Variants in MIPOL1 observed in about 807,000 individuals in gnomAD.
The protein encoded by MIPOL1 is mirror-image polydactyly 1, also known as mirror-image polydactyly gene 1 protein.
MIPOL1 carries 57 observed loss-of-function variants against 60.9 expected under a neutral mutation model. The observed-to-expected ratio is 0.94, with a 90% CI of 0.76 to 1.17. MIPOL1 has a LOEUF of 1.17. Ranked by LOEUF, MIPOL1 falls within the 50% of genes most tolerant of loss-of-function variation. The pLI is 0.00. For missense variants in MIPOL1, 551 were observed against 511.6 expected (o/e 1.08, Z -0.74); for synonymous variants, 179 against 168.8 (o/e 1.06, Z -0.47).
At chr14:37,479,689 C>T (rs898395727) in intron 11 of MIPOL1, among the ~76,000 whole-genome samples, 2 of 151,832 alleles carry the variant, frequency 1.3e-5, no homozygotes, top group Non-Finnish European at 2.9e-5. Flanking sequence ...TAATAAAGCT[C>T]AGAGCAGAAG....
Position 37,328,736 on chromosome 14 carries a change from A to G in MIPOL1, c.828+20217A>G, listed in dbSNP as rs533038090. ...AAATGAGATAGCAGAAACTTCAAAAATGACAGCATTATTTAATGAAGTATT... is the reference window on the plus strand; with the variant it reads ...AAATGAGATAGCAGAAACTTCAAAAGTGACAGCATTATTTAATGAAGTATT... On this transcript the variant is annotated intron_variant, in intron 9 of 12. Coordinates refer to ENST00000684589, the MANE Select transcript of MIPOL1 (RefSeq NM_001388067.1). Among the ~76,000 whole-genome samples the G allele has an allele frequency of 2.6e-5, 4 of 152,306 alleles. No homozygotes were observed. In the East Asian group the frequency reaches 5.8e-4, roughly 22 times the overall value.
chr14:37,355,411 C>G (rs1440265828), intron 9 of MIPOL1, among the ~76,000 whole-genome samples: 4 of 147,088 alleles, frequency 2.7e-5, no homozygotes, highest in Non-Finnish European at 6.0e-5. Flanking sequence ...CGAGGAGTAT[C>G]TTTGTGGCGT....
intron 12 of MIPOL1, among the ~76,000 whole-genome samples, chr14:37,508,653 A>G (rs2095301181): frequency 1.3e-5 from 2 of 152,130 alleles, no homozygotes; most frequent in East Asian, 1.9e-4. Flanking sequence ...CGTTGCCATG[A>G]TAATTTGATG....
chr14:37,452,067 G>C (rs925307635), intron 11 of MIPOL1, among the ~76,000 whole-genome samples: 2 of 151,556 alleles, frequency 1.3e-5, no homozygotes, highest in African/African-American at 4.9e-5. Context: ...CGCCCGCCTC[G>C]GCCTCCCAAA....
At chr14:37,233,825 G>T (rs1272168214) in intron 1 of MIPOL1, among the ~76,000 whole-genome samples, 1 of 152,178 alleles carries the variant, frequency 6.6e-6, no homozygotes, top group Non-Finnish European at 1.5e-5. Flanking sequence ...ATAAGCAGAT[G>T]TTATCATTCT....
At chr14:37,531,111 C>T (rs2095476580) in intron 12 of MIPOL1, among the ~76,000 whole-genome samples, 1 of 152,100 alleles carries the variant, frequency 6.6e-6, no homozygotes, top group African/African-American at 2.4e-5. Context: ...AACCACCGCG[C>T]CCAGCCAGAA....
intron 12 of MIPOL1, among the ~76,000 whole-genome samples, chr14:37,520,796 A>C (rs761653368): frequency 2.0e-5 from 3 of 152,086 alleles, no homozygotes; most frequent in Non-Finnish European, 4.4e-5. Flanking sequence ...CAATTTGTTA[A>C]ATTTTATAAT....
chr14:37,276,133 T>G (rs974073251), intron 6 of MIPOL1, among the ~76,000 whole-genome samples: 2 of 151,170 alleles, frequency 1.3e-5, no homozygotes, highest in Non-Finnish European at 3.0e-5. Flanking sequence ...TAATCTATCT[T>G]ACTGCATTTT....
intron 1 of MIPOL1, among the ~76,000 whole-genome samples, chr14:37,229,494 A>G (rs1018115895): frequency 2.0e-5 from 3 of 152,198 alleles, no homozygotes; most frequent in Non-Finnish European, 2.9e-5. Flanking sequence ...ACCAAAAAAC[A>G]AAACAAAACC....
chr14:37,203,845 C>T (rs1458012662), intron 1 of MIPOL1, among the ~76,000 whole-genome samples: 2 of 152,122 alleles, frequency 1.3e-5, no homozygotes, highest in Non-Finnish European at 2.9e-5. Flanking sequence ...AGCAGTGGTG[C>T]GATCTTGGCT....
chr14:37,473,470 T>A (rs981524631), intron 11 of MIPOL1, among the ~76,000 whole-genome samples: 4 of 152,182 alleles, frequency 2.6e-5, no homozygotes, highest in African/African-American at 9.7e-5. Flanking sequence ...TGTTCCTTTG[T>A]ATCTTGTCTA....
intron 9 of MIPOL1, among the ~76,000 whole-genome samples, chr14:37,324,833 A>G (rs1216550013): frequency 6.6e-6 from 1 of 152,116 alleles, no homozygotes; most frequent in South Asian, 2.1e-4. Context: ...CTTTCATGCC[A>G]TTGAAACAAA....
At chr14:37,231,150 A>G (rs1357553819) in intron 1 of MIPOL1, among the ~76,000 whole-genome samples, 1 of 152,074 alleles carries the variant, frequency 6.6e-6, no homozygotes, top group African/African-American at 2.4e-5. Context: ...GCTGGAGTGC[A>G]GTGGTGTGAT....
At chr14:37,355,669 G>A (rs1435988190) in intron 9 of MIPOL1, among the ~76,000 whole-genome samples, 19 of 123,020 alleles carry the variant, frequency 1.5e-4, no homozygotes, top group African/African-American at 5.0e-4. Context: ...ATCTTCCATC[G>A]CTGATACCCT....
rs149306049 is a variant in MIPOL1 at position 37,223,148 on chromosome 14, T to C, written c.-198-23955T>C. ...CCTGGGTTCAAGCGATTCTCCTGCC[T>C]CAGTCTCCCAAGTAGCTGGGATTAC... On this transcript the variant is annotated intron_variant, in intron 1 of 12. Transcript: ENST00000684589. 5.6e-3 allele frequency among the ~76,000 whole-genome samples: 852 copies of C among 152,168 alleles called. 5 individuals are homozygous for C. The highest frequency in any genetic ancestry group is 0.019 in the African/African-American group (805 of 41,520).
intron 6 of MIPOL1, among the ~76,000 whole-genome samples, chr14:37,284,971 T>C (rs2084426731): frequency 6.6e-6 from 1 of 152,228 alleles, no homozygotes; most frequent in African/African-American, 2.4e-5. Flanking sequence ...CCTAGGCCTG[T>C]CTTCAACTTC....
chr14:37,473,790 T>C (rs2094724766), intron 11 of MIPOL1, among the ~76,000 whole-genome samples: 1 of 152,232 alleles, frequency 6.6e-6, no homozygotes, highest in South Asian at 2.1e-4. Flanking sequence ...ATTGTACAGT[T>C]CTATGGCTTT....
intron 9 of MIPOL1, among the ~76,000 whole-genome samples, chr14:37,345,036 T>C (rs557567812): frequency 6.7e-6 from 1 of 149,418 alleles, no homozygotes; most frequent in African/African-American, 2.5e-5. Flanking sequence ...AAAAAAATAG[T>C]GGACAATACT....
At chr14:37,220,048 T>C (rs1968486391) in intron 1 of MIPOL1, among the ~76,000 whole-genome samples, 1 of 152,192 alleles carries the variant, frequency 6.6e-6, no homozygotes, top group African/African-American at 2.4e-5. Context: ...TTTGGAATGT[T>C]TTTACTTTGT....
Sources: allele counts gnomAD v4.1 joint callset (sites outside exome capture counted in the v4.1 genomes callset), GRCh38; gene constraint gnomAD v4.1.1; transcripts MANE v1.5; gene names NCBI Gene and HGNC (gene_info 2026-07-23, HGNC 2026-07-21).